The following SLIT2 variants were observed in gnomAD, a reference collection of about 807,000 sequenced individuals.
SLIT2 encodes slit guidance ligand 2.
In SLIT2, 41 loss-of-function variants were observed where a neutral mutation model predicts 185.7. The observed-to-expected ratio is 0.22, with a 90% CI of 0.17 to 0.29. The LOEUF is 0.29. Among genes scored for constraint, SLIT2 ranks in the 10% least tolerant of loss-of-function variants. The pLI, the probability that SLIT2 is intolerant of heterozygous loss-of-function variation, is 1.00. For synonymous variants in SLIT2, 693 were observed against 680.2 expected, an observed-to-expected ratio of 1.02 and a Z score of -0.29; for missense variants, 1,571 against 1,909.0, an observed-to-expected ratio of 0.82 and a Z score of 3.30.
intron 4 of SLIT2, among the ~76,000 whole-genome samples, chr4:20,379,821 G>A (rs1213195887): frequency 6.6e-6 from 1 of 152,160 alleles, no homozygotes; most frequent in African/African-American, 2.4e-5. Context: ...CTATCGGGAA[G>A]GAATTTCAAA....
chr4:20,533,934 T>TACACACACACAC (rs3049205), intron 18 of SLIT2, among the ~76,000 whole-genome samples: 1 of 150,990 alleles, frequency 6.6e-6, no homozygotes, highest in African/African-American at 2.4e-5. Flanking sequence ...CGATGTGTGT[T>TACACACACACAC]ACACACACAC....
intron 4 of SLIT2, among the ~76,000 whole-genome samples, chr4:20,354,904 TGTGAGAGAGAGAGAGAGAGA>T (rs1722198631): frequency 1.6e-5 from 1 of 63,292 alleles, no homozygotes; most frequent in Non-Finnish European, 3.9e-5. Flanking sequence ...TGTGTGTGTG[TGTGAGAGAGAGAGAGAGAGA>T]GAGAGAGAGA....
intron 4 of SLIT2, among the ~76,000 whole-genome samples, chr4:20,353,437 G>T (rs1722041985): frequency 6.6e-6 from 1 of 152,018 alleles, no homozygotes; most frequent in Non-Finnish European, 1.5e-5. Context: ...AAAGCTTTTT[G>T]CTGTATCCAG....
chr4:20,355,637 A>G (rs1304046627), intron 4 of SLIT2, among the ~76,000 whole-genome samples: 1 of 152,188 alleles, frequency 6.6e-6, no homozygotes, highest in Non-Finnish European at 1.5e-5. Context: ...CCTTTGATTT[A>G]ATACCAAACT....
At chr4:20,496,986 GGT>G (rs1241159815) in intron 9 of SLIT2, among the ~76,000 whole-genome samples, 5 of 151,764 alleles carry the variant, frequency 3.3e-5, no homozygotes, top group Non-Finnish European at 7.4e-5. Context: ...GGCCAAAATG[GGT>G]CTAGAATGCT....
chr4:20,511,262 T>G lies in SLIT2; in HGVS notation c.1058+125T>G, dbSNP rs78391293. ...ATGAATAATGAATTATTAATAATGTTAATTATTATTAACCACTTCTGGGTC... is the reference window on the plus strand; with the variant it reads ...ATGAATAATGAATTATTAATAATGTGAATTATTATTAACCACTTCTGGGTC... On this transcript the variant is annotated intron_variant, in intron 11 of 36. Transcript: ENST00000504154. The G allele has an allele frequency of 0.027, 15,316 of 570,460 alleles. 486 individuals carry two copies. The highest frequency in any genetic ancestry group is 0.087 in the Admixed American group (3,117 of 35,820). 35.3% of individuals were successfully genotyped at this position (570,460 alleles called of 1,614,324 possible).
chr4:20,279,503 G>C (rs1250786085), intron 4 of SLIT2, among the ~76,000 whole-genome samples: 1 of 151,984 alleles, frequency 6.6e-6, no homozygotes, highest in Non-Finnish European at 1.5e-5. Flanking sequence ...TTATAATATG[G>C]TACAGACTAT....
chr4:20,340,659 G>T (rs980095263), intron 4 of SLIT2, among the ~76,000 whole-genome samples: 1 of 152,052 alleles, frequency 6.6e-6, no homozygotes, highest in Admixed American at 6.6e-5. Flanking sequence ...GGAGTGCAGC[G>T]GCGAGATCTC....
intron 4 of SLIT2, among the ~76,000 whole-genome samples, chr4:20,305,458 G>C (rs1383857156): frequency 6.6e-6 from 1 of 152,018 alleles, no homozygotes; most frequent in Admixed American, 6.6e-5. Flanking sequence ...ACCATGTATG[G>C]GAACCCCCTA....
intron 29 of SLIT2, among the ~76,000 whole-genome samples, chr4:20,574,441 T>A (rs2148924617): frequency 6.6e-6 from 1 of 152,336 alleles, no homozygotes; most frequent in Non-Finnish European, 1.5e-5. Context: ...TGTGCTTGTC[T>A]TGATAGCTCC....
At chr4:20,295,823 CTT>C (rs1335312883) in intron 4 of SLIT2, among the ~76,000 whole-genome samples, 1 of 148,122 alleles carries the variant, frequency 6.8e-6, no homozygotes, top group Non-Finnish European at 1.5e-5. Context: ...CTTCATTTCT[CTT>C]GAGTACTAGG....
chr4:20,598,542 G>A (rs958329039), intron 33 of SLIT2, 147 bp downstream of exon 33: 2 of 813,410 alleles, frequency 2.5e-6, no homozygotes, highest in African/African-American at 1.7e-5. Context: ...AACCTGGCAG[G>A]AACAGAGGGC....
chr4:20,300,581 C>T (rs548087532), intron 4 of SLIT2, among the ~76,000 whole-genome samples: 1 of 147,798 alleles, frequency 6.8e-6, no homozygotes, highest in South Asian at 2.2e-4. Flanking sequence ...AGTTGTCTCG[C>T]ACATGTAGAC....
At position 20,598,412 on chromosome 4, in the gene SLIT2, T is replaced by C; in HGVS notation, c.3692+17T>C. ...CATTTACAGGTGAAGATCTCTCAGTTACGGGTAAAGGTGAAAAAAATTGCT... is the reference window on the plus strand; with the variant it reads ...CATTTACAGGTGAAGATCTCTCAGTCACGGGTAAAGGTGAAAAAAATTGCT... On this transcript the variant is annotated intron_variant, in intron 33 of 36. Transcript: ENST00000504154. 6.2e-7 allele frequency: 1 copy of C among 1,613,844 alleles called. No homozygotes were observed. Among genetic ancestry groups the C allele is most frequent in the Non-Finnish European group, 8.5e-7 (1 of 1,179,850 alleles).
intron 4 of SLIT2, among the ~76,000 whole-genome samples, chr4:20,445,428 C>T (rs893710469): frequency 2.0e-5 from 3 of 152,096 alleles, no homozygotes; most frequent in Admixed American, 6.6e-5. Flanking sequence ...TTAAAGAAGA[C>T]GTTTAAAAGG....
At chr4:20,351,285 G>T (rs1239172060) in intron 4 of SLIT2, among the ~76,000 whole-genome samples, 1 of 151,988 alleles carries the variant, frequency 6.6e-6, no homozygotes, top group Non-Finnish European at 1.5e-5. Flanking sequence ...CTGACCTCAG[G>T]TGATCCACCC....
At position 20,437,000 on chromosome 4, in the gene SLIT2, T is replaced by C. The variant is rs533978136; in HGVS notation, c.396-30752T>C. On this transcript the variant is annotated intron_variant, in intron 4 of 36. Transcript: ENST00000504154. ...TTACAAGGATTAATGAGATAACATA[T>C]GTAAAACATTTAGAAAATTGCTTGG... Among the ~76,000 whole-genome samples, 11 of 152,342 alleles carry C rather than the reference T, an allele frequency of 7.2e-5. No homozygotes were observed. In the East Asian group the frequency reaches 9.6e-4, roughly 13 times the overall value.
intron 4 of SLIT2, among the ~76,000 whole-genome samples, chr4:20,442,810 A>G (rs1278621250): frequency 6.6e-6 from 1 of 152,150 alleles, no homozygotes; most frequent in Non-Finnish European, 1.5e-5. Context: ...TTTTCCTTTC[A>G]GTTGGAAGGC....
intron 6 of SLIT2, among the ~76,000 whole-genome samples, 176 bp from the exon 7 acceptor site, chr4:20,486,024 G>A (rs1448572513): frequency 6.6e-6 from 1 of 152,134 alleles, no homozygotes; most frequent in Non-Finnish European, 1.5e-5. Context: ...ACAGTAATAT[G>A]TTAAATTATG....
Sources: gnomAD v4.1 joint callset for allele counts (sites outside exome capture counted in the v4.1 genomes callset) on GRCh38, gnomAD v4.1.1 for gene constraint, MANE v1.5 for transcripts, NCBI Gene and HGNC (gene_info 2026-07-23, HGNC 2026-07-21) for gene names.